UTRN: variants seen among roughly 807,000 people sequenced by gnomAD.
UTRN encodes the protein dystrophin-related protein 1.
Under a neutral mutation model 463.9 loss-of-function variants are expected in UTRN, and 283 were observed. The ratio of observed to expected loss-of-function variants is 0.61; its 90% CI spans 0.55 to 0.67. The LOEUF (loss-of-function observed/expected upper bound fraction) is 0.67. Among genes scored for constraint, UTRN ranks in the 30% least tolerant of loss-of-function variants. The probability of loss-of-function intolerance (pLI) is 0.00; values close to 1 mark genes in which losing one functional copy is unlikely to be tolerated. For missense variants in UTRN, 3,922 were observed against 4,084.3 expected (o/e 0.96, Z 1.08); for synonymous variants, 1,442 against 1,431.5 (o/e 1.01, Z -0.17).
chr6:144,292,003 T>TG (rs1562710207), intron 2 of UTRN, 96 bp downstream of exon 2: 6 of 1,225,860 alleles, frequency 4.9e-6, no homozygotes. Context: ...AAGAACTTCT[T>TG]GGAGGTGAAG....
At chr6:144,350,768 A>C (rs571837247) in intron 2 of UTRN, among the ~76,000 whole-genome samples, 1 of 152,240 alleles carries the variant, frequency 6.6e-6, no homozygotes, top group Non-Finnish European at 1.5e-5. Context: ...AATTCCTACA[A>C]AATGGCAGAT....
At chr6:144,603,139 C>A (rs1804443382) in intron 51 of UTRN, among the ~76,000 whole-genome samples, 1 of 151,964 alleles carries the variant, frequency 6.6e-6, no homozygotes, top group African/African-American at 2.4e-5. Flanking sequence ...ATTTGTATTT[C>A]TTTAACTATT....
intron 46 of UTRN, among the ~76,000 whole-genome samples, chr6:144,546,780 G>A (rs2091486): frequency 0.086 from 13,136 of 152,208 alleles, 1,181 homozygotes; most frequent in East Asian, 0.54. Context: ...CTGCTTCCCA[G>A]CCTGGGTGAC....
Position 144,499,245 on chromosome 6 carries a change from T to G in UTRN, c.4594-12T>G. ...CTCAGTCTCAGTCTCTCCCTGCCTC[T>G]CTCCGTCTCAGGTGACAGAAGGAAA... is the stretch of plus-strand genomic sequence containing the variant. On this transcript the variant is annotated splice_polypyrimidine_tract_variant and intron_variant, in intron 33 of 74. Coordinates refer to ENST00000367545, the MANE Select transcript of UTRN (RefSeq NM_007124.3). 1 of 1,608,666 alleles carries G rather than the reference T, an allele frequency of 6.2e-7. No individual in the cohort carries two copies. The highest frequency in any genetic ancestry group is 8.5e-7 in the Non-Finnish European group (1 of 1,176,138).
chr6:144,687,535 T>C (rs1782893013), intron 52 of UTRN, among the ~76,000 whole-genome samples: 1 of 152,072 alleles, frequency 6.6e-6, no homozygotes, highest in Non-Finnish European at 1.5e-5. Context: ...TATGACAAAT[T>C]CCTTTGGCAT....
intron 51 of UTRN, among the ~76,000 whole-genome samples, chr6:144,593,946 A>G (rs1388175341): frequency 3.3e-5 from 5 of 152,222 alleles, no homozygotes; most frequent in Non-Finnish European, 7.4e-5. Context: ...TAATATTTGT[A>G]TCTTTAAAAT....
At chr6:144,717,150 G>T (rs1356957426) in intron 53 of UTRN, among the ~76,000 whole-genome samples, 1 of 152,136 alleles carries the variant, frequency 6.6e-6, no homozygotes, top group Non-Finnish European at 1.5e-5. Flanking sequence ...CCTGGCCTGT[G>T]ATTTCTCATT....
At chr6:144,297,304 A>G (rs1240992719) in intron 2 of UTRN, among the ~76,000 whole-genome samples, 1 of 152,218 alleles carries the variant, frequency 6.6e-6, no homozygotes, top group Non-Finnish European at 1.5e-5. Flanking sequence ...GAAATATTAT[A>G]CCAGGTTACA....
At chr6:144,322,453 C>T (rs1239774113) in intron 2 of UTRN, among the ~76,000 whole-genome samples, 1 of 152,224 alleles carries the variant, frequency 6.6e-6, no homozygotes, top group East Asian at 1.9e-4. Context: ...TCTCAGCTGC[C>T]CTGCAGGGGA....
At chr6:144,799,478 AGTCACAGTT>A (rs1230532556) in intron 64 of UTRN, 4 of 471,640 alleles carry the variant, frequency 8.5e-6, no homozygotes, top group Admixed American at 2.3e-5. Context: ...AGAATGGTAA[AGTCACAGTT>A]TAAATGCAGC....
At chr6:144,647,142 G>C (rs1778384870) in intron 51 of UTRN, among the ~76,000 whole-genome samples, 2 of 152,128 alleles carry the variant, frequency 1.3e-5, no homozygotes, top group Admixed American at 6.6e-5. Context: ...GTTTTCTCCT[G>C]TCTAGTTCTT....
chr6:144,668,941 T>A (rs1169286385), intron 51 of UTRN, among the ~76,000 whole-genome samples: 1 of 152,196 alleles, frequency 6.6e-6, no homozygotes, highest in Non-Finnish European at 1.5e-5. Flanking sequence ...GAAATGCAAG[T>A]TTTTTATTTC....
Position 144,429,625 on chromosome 6 carries a change from T to G in UTRN, c.739T>G (p.Leu247Val), listed in dbSNP as rs1302138374. 6 of 1,612,466 alleles carry G rather than the reference T, an allele frequency of 3.7e-6. No homozygotes were observed. The highest frequency in any genetic ancestry group is 5.1e-6 in the Non-Finnish European group (6 of 1,179,334). ...TGACAAGAAATCCATAATTATGTATTTAACATCTTTGTTTGAGGTGCTACC... is the reference window on the plus strand; with the variant it reads ...TGACAAGAAATCCATAATTATGTATGTAACATCTTTGTTTGAGGTGCTACC... Reference protein sequence around the residue: ...LPDKKSIIMYLTSLFEVLPQQ... With the variant: ...LPDKKSIIMYVTSLFEVLPQQ... The change falls in exon 9 of 75, where the codon TTA becomes GTA. Residue 247 changes from leucine to valine, a missense_variant. By Grantham distance (32) the Leu-to-Val change is conservative. Around this residue, in one of 3 missense-constraint regions of UTRN, gnomAD observed 264 missense variants for 327.9 expected, o/e 0.81. Transcript: ENST00000367545.
intron 2 of UTRN, among the ~76,000 whole-genome samples, chr6:144,395,218 T>C (rs1782290879): frequency 1.3e-5 from 2 of 152,160 alleles, no homozygotes; most frequent in South Asian, 4.1e-4. Context: ...TAATTCACTG[T>C]GTCCTAAATA....
chr6:144,620,282 T>C (rs1280706278), intron 51 of UTRN, among the ~76,000 whole-genome samples: 1 of 152,198 alleles, frequency 6.6e-6, no homozygotes, highest in African/African-American at 2.4e-5. Flanking sequence ...TTGGCTACTA[T>C]GTTTTTGCTC....
chr6:144,567,005 G>GT (rs747000617), intron 50 of UTRN, among the ~76,000 whole-genome samples: 8 of 151,934 alleles, frequency 5.3e-5, no homozygotes, highest in Non-Finnish European at 8.8e-5. Context: ...AAATCAGCTG[G>GT]GTGTGGTGAC....
At position 144,508,052 on chromosome 6, in the gene UTRN, C is replaced by A. The variant is rs573819427; in HGVS notation, c.4765-2892C>A. Among the ~76,000 whole-genome samples the A allele has an allele frequency of 2.6e-5, 4 of 152,268 alleles. No homozygotes were observed. In the South Asian group the frequency reaches 6.2e-4, roughly 24 times the overall value. ...GTTTACACTGTGAGGGGAAAACTGC[C>A]TACTCAAGCCTCAGTAATGGTGGAT... On this transcript the variant is annotated intron_variant, in intron 34 of 74. Transcript: ENST00000367545.
At chr6:144,310,433 G>A (rs1374715331) in intron 2 of UTRN, among the ~76,000 whole-genome samples, 3 of 152,084 alleles carry the variant, frequency 2.0e-5, no homozygotes, top group African/African-American at 4.8e-5. Context: ...CTACTCAGTA[G>A]GCTGAGGCAG....
chr6:144,763,276 C>A (rs917953274), intron 58 of UTRN, among the ~76,000 whole-genome samples: 2 of 152,084 alleles, frequency 1.3e-5, no homozygotes, highest in African/African-American at 2.4e-5. Flanking sequence ...GTTCTAACTC[C>A]CCCTCTGAGT....
Sources: allele counts gnomAD v4.1 joint callset (sites outside exome capture counted in the v4.1 genomes callset), GRCh38; gene constraint gnomAD v4.1.1; regional missense constraint gnomAD v4.1.1; transcripts MANE v1.5; gene names NCBI Gene and HGNC (gene_info 2026-07-23, HGNC 2026-07-21).